The following RAB10 variants were observed in gnomAD, a reference collection of about 807,000 sequenced individuals.
The protein encoded by RAB10 is RAB10, member RAS oncogene family.
RAB10 carries 5 observed loss-of-function variants against 25.7 expected under a neutral mutation model. That is an observed-to-expected ratio of 0.19 (90% confidence interval 0.10 to 0.41). The LOEUF is 0.41. Among genes scored for constraint, RAB10 ranks in the 10% least tolerant of loss-of-function variants. RAB10 has a pLI of 1.00. For synonymous variants in RAB10, 89 were observed against 86.4 expected (o/e 1.03, Z -0.16); for missense variants, 103 against 245.8 (o/e 0.42, Z 3.89).
intron 1 of RAB10, among the ~76,000 whole-genome samples, chr2:26,036,427 T>C (rs894016748): frequency 2.0e-5 from 3 of 152,064 alleles, no homozygotes; most frequent in Non-Finnish European, 2.9e-5. Flanking sequence ...TTGGGAGGCC[T>C]TGGCGGGCGG....
intron 1 of RAB10, among the ~76,000 whole-genome samples, chr2:26,048,318 C>T (rs1017384638): frequency 4.6e-5 from 7 of 152,056 alleles, no homozygotes; most frequent in African/African-American, 1.7e-4. Flanking sequence ...CATTTTACAC[C>T]CCCATCCTCA....
chr2:26,081,570 G>A (rs189849889), intron 1 of RAB10, among the ~76,000 whole-genome samples: 164 of 152,252 alleles, frequency 1.1e-3, no homozygotes, highest in African/African-American at 3.5e-3. Context: ...TAAATCTGGC[G>A]AATTAGGTTT....
intron 3 of RAB10, among the ~76,000 whole-genome samples, chr2:26,116,144 G>A (rs1057394788): frequency 3.3e-5 from 5 of 152,142 alleles, no homozygotes; most frequent in Admixed American, 6.6e-5. Flanking sequence ...TGGGATTACA[G>A]GCATGAGCCA....
rs1189799487 is a variant in RAB10, at chr2:26,127,238, A to G, written c.417+5A>G. Reference sequence around the variant, plus strand: ...CCTAAAGGAAAAGGAGAACAGGTAAAAATCTGAATTAAACTGATACTCTGC... The same window carrying G: ...CCTAAAGGAAAAGGAGAACAGGTAAGAATCTGAATTAAACTGATACTCTGC... On this transcript the variant is annotated splice_donor_5th_base_variant and intron_variant, in intron 4 of 5. Transcript: ENST00000264710. 38 of 1,569,578 alleles carry G rather than the reference A, an allele frequency of 2.4e-5. 1 individual carries two copies. The East Asian group carries it at 8.7e-4, about 36-fold the overall frequency.
chr2:26,124,591 A>C (rs1370241289), intron 3 of RAB10, among the ~76,000 whole-genome samples: 1 of 151,344 alleles, frequency 6.6e-6, no homozygotes, highest in Non-Finnish European at 1.5e-5. Context: ...ATACTTTTTA[A>C]AATTGTGGTG....
chr2:26,113,312 C>G (rs554148135), intron 3 of RAB10, among the ~76,000 whole-genome samples: 1 of 151,826 alleles, frequency 6.6e-6, no homozygotes, highest in East Asian at 2.0e-4. Flanking sequence ...GTGGCTCACA[C>G]CCGTAAATCC....
At chr2:26,122,485 A>G (rs6729795) in intron 3 of RAB10, among the ~76,000 whole-genome samples, 126,027 of 151,930 alleles carry the variant, frequency 0.83, 52,603 homozygotes, top group African/African-American at 0.93. Context: ...AAAATTAGCC[A>G]GGCGTGGTGG....
chr2:26,133,657 A>AT (rs904568456), intron 5 of RAB10, among the ~76,000 whole-genome samples: 9 of 151,206 alleles, frequency 6.0e-5, no homozygotes, highest in Non-Finnish European at 8.9e-5. Context: ...CTGTATTCTG[A>AT]TTTTTTTTTC....
chr2:26,124,388 G>GATTTTT (rs1559599431), intron 3 of RAB10, among the ~76,000 whole-genome samples: 1 of 17,104 alleles, frequency 5.8e-5, no homozygotes, highest in African/African-American at 2.0e-4. Flanking sequence ...TGTTGTTGTT[G>GATTTTT]CTTTTTTTTT....
At chr2:26,105,931 A>G (rs6546768) in intron 2 of RAB10, among the ~76,000 whole-genome samples, 116,652 of 152,204 alleles carry the variant, frequency 0.77, 44,766 homozygotes, top group East Asian at 0.87. Context: ...TAGTGCAGGT[A>G]TGTTGTAGGC....
chr2:26,108,398 G>A (rs1290047467), intron 2 of RAB10, among the ~76,000 whole-genome samples: 2 of 152,088 alleles, frequency 1.3e-5, no homozygotes, highest in African/African-American at 4.8e-5. Flanking sequence ...GTTAAATGCC[G>A]ATTTCAAAAG....
rs1165243334 is a variant in RAB10, at chr2:26,106,968, G to A, written c.189-2800G>A. 7.2e-5 allele frequency among the ~76,000 whole-genome samples: 11 copies of A among 151,800 alleles called. No homozygotes were observed. In the East Asian group the frequency reaches 2.1e-3, roughly 30 times the overall value. On this transcript the variant is annotated intron_variant, in intron 2 of 5. Transcript: ENST00000264710. Reference sequence around the variant, plus strand: ...GAACATAAGACTACGTGAAGAGGCTGGGTGTGGTGGCTCACGCCTGTAACC... The same window carrying A: ...GAACATAAGACTACGTGAAGAGGCTAGGTGTGGTGGCTCACGCCTGTAACC...
intron 1 of RAB10, among the ~76,000 whole-genome samples, chr2:26,058,273 CCTT>C (rs1666310967): frequency 6.6e-6 from 1 of 152,088 alleles, no homozygotes; most frequent in Non-Finnish European, 1.5e-5. Context: ...CTCTACAACC[CCTT>C]CTTGACAAGG....
chr2:26,097,999 G>A (rs1667259893), intron 1 of RAB10, among the ~76,000 whole-genome samples: 1 of 151,610 alleles, frequency 6.6e-6, no homozygotes, highest in Non-Finnish European at 1.5e-5. Context: ...TCCCCCACTA[G>A]GAACCTTTTT....
chr2:26,065,195 A>T (rs1166777319), intron 1 of RAB10, among the ~76,000 whole-genome samples: 4 of 152,188 alleles, frequency 2.6e-5, no homozygotes. Flanking sequence ...GCTTGTTAAA[A>T]ACATGACTCT....
chr2:26,057,620 T>TTTCTTTCTTTCATTCATTCATTCA (rs146580967), intron 1 of RAB10, among the ~76,000 whole-genome samples: 10 of 149,076 alleles, frequency 6.7e-5, no homozygotes, highest in African/African-American at 2.2e-4. Context: ...GGCAAGTTTC[T>TTTCTTTCTTTCATTCATTCATTCA]TTCATTCATT....
chr2:26,113,564 ACT>A (rs1188613387), intron 3 of RAB10, among the ~76,000 whole-genome samples: 1 of 69,312 alleles, frequency 1.4e-5, no homozygotes, highest in Non-Finnish European at 2.7e-5. Flanking sequence ...ACAGAGCAAG[ACT>A]CTGTCTCAAA....
intron 3 of RAB10, among the ~76,000 whole-genome samples, chr2:26,124,769 C>T (rs1407383098): frequency 2.0e-5 from 3 of 152,040 alleles, no homozygotes; most frequent in African/African-American, 7.2e-5. Flanking sequence ...TTCTGTCTCC[C>T]CCTTTCCCCA....
At chr2:26,046,040 T>G (rs1487079737) in intron 1 of RAB10, among the ~76,000 whole-genome samples, 2 of 152,014 alleles carry the variant, frequency 1.3e-5, no homozygotes, top group Admixed American at 1.3e-4. Context: ...AAAAGGAATT[T>G]GAGGCCCGGT....
Sources: gnomAD v4.1 joint callset for allele counts (sites outside exome capture counted in the v4.1 genomes callset) on GRCh38, gnomAD v4.1.1 for gene constraint, MANE v1.5 for transcripts, NCBI Gene and HGNC (gene_info 2026-07-23, HGNC 2026-07-21) for gene names.